The following PSME4 variants were observed in gnomAD, a reference collection of about 807,000 sequenced individuals.
PSME4 encodes the protein proteasome activator complex subunit 4.
Under a neutral mutation model 253.9 loss-of-function variants are expected in PSME4, and 89 were observed. That is an observed-to-expected ratio of 0.35 (90% confidence interval 0.30 to 0.42). The LOEUF is 0.42. PSME4 is among the 10% of genes least tolerant of loss of function. The probability of loss-of-function intolerance (pLI) is 1.00; values close to 1 mark genes in which losing one functional copy is unlikely to be tolerated. For synonymous variants in PSME4, 851 were observed against 759.2 expected (o/e 1.12, Z -1.99); for missense variants, 2,014 against 2,195.2 (o/e 0.92, Z 1.65).
chr2:53,943,039 A>G (rs2104470870), intron 3 of PSME4, among the ~76,000 whole-genome samples: 1 of 152,312 alleles, frequency 6.6e-6, no homozygotes, highest in East Asian at 1.9e-4. Flanking sequence ...GAGACAGTGA[A>G]CCATATAAAC....
chr2:53,878,306 G>C (rs1679226039), intron 41 of PSME4, among the ~76,000 whole-genome samples: 1 of 152,184 alleles, frequency 6.6e-6, no homozygotes, highest in African/African-American at 2.4e-5. Flanking sequence ...TCCTATGCCT[G>C]TCTTTACTTT....
At chr2:53,951,093 T>C (rs1056639527) in intron 1 of PSME4, among the ~76,000 whole-genome samples, 1 of 152,074 alleles carries the variant, frequency 6.6e-6, no homozygotes, top group Admixed American at 6.6e-5. Context: ...CTTCTTTTTT[T>C]TCCCCCCAAG....
intron 27 of PSME4, 67 bp from the exon 28 acceptor site, chr2:53,901,626 G>C: frequency 7.7e-7 from 1 of 1,298,826 alleles, no homozygotes; most frequent in Non-Finnish European, 1.1e-6. Context: ...TGTAGCCAAT[G>C]CACCTATGTA....
intron 24 of PSME4, among the ~76,000 whole-genome samples, chr2:53,907,349 T>C (rs774177473): frequency 2.0e-5 from 3 of 152,194 alleles, no homozygotes; most frequent in African/African-American, 4.8e-5. Context: ...CAAAGGCAGA[T>C]AGTTGAGGCT....
chr2:53,884,801 T>C (rs1679562171), intron 41 of PSME4, among the ~76,000 whole-genome samples: 1 of 152,218 alleles, frequency 6.6e-6, no homozygotes, highest in African/African-American at 2.4e-5. Flanking sequence ...TCTACTTTTA[T>C]ACCCCAAAAG....
intron 9 of PSME4, 53 bp from the exon 10 acceptor site, chr2:53,932,153 C>T (rs2104460356): frequency 6.6e-7 from 1 of 1,518,794 alleles, no homozygotes; most frequent in Non-Finnish European, 9.0e-7. Context: ...GCCGCATAGA[C>T]ATTCATGGTT....
chr2:53,896,136 C>G (rs1046834952), intron 32 of PSME4, among the ~76,000 whole-genome samples: 1 of 152,118 alleles, frequency 6.6e-6, no homozygotes, highest in Non-Finnish European at 1.5e-5. Context: ...CTCTCTCTCT[C>G]CACACATACT....
In PSME4 at chr2:53,928,439, C is replaced by G. The variant is rs901150550; in HGVS notation, c.1317-136G>C. 17 of 689,056 alleles carry G rather than the reference C, an allele frequency of 2.5e-5. No individual in the cohort carries two copies. The African/African-American group carries it at 2.7e-4, about 11-fold the overall frequency. 42.7% of individuals were successfully genotyped at this position (689,056 alleles called of 1,614,324 possible). A position where few individuals can be genotyped will look rare whatever the true frequency, so the allele number is the denominator to read the frequency against. On this transcript the variant is annotated intron_variant, in intron 10 of 46. Transcript: ENST00000404125. The stretch of plus-strand genomic sequence containing the variant: ...TTAGCAAAATACTCAGAGTGAAAAT[C>G]TGCAATCAAAGTTAACAATTACAGT...
chr2:53,928,354 T>G, intron 10 of PSME4, 51 bp from the exon 11 acceptor site: 1 of 1,347,266 alleles, frequency 7.4e-7, no homozygotes. Context: ...ATATGCATAA[T>G]ACCATAATAC....
At chr2:53,866,633 GA>G (rs1678577628) in intron 45 of PSME4, 113 bp downstream of exon 45, 1 of 1,164,478 alleles carries the variant, frequency 8.6e-7, no homozygotes, top group African/African-American at 1.6e-5. Context: ...AGCCTTGGCA[GA>G]GGCAGCAGCT....
At chr2:53,878,330 C>T (rs985111005) in intron 41 of PSME4, among the ~76,000 whole-genome samples, 5 of 152,284 alleles carry the variant, frequency 3.3e-5, no homozygotes, top group African/African-American at 1.2e-4. Flanking sequence ...CTCTTAATCC[C>T]ATCATCTTCA....
At chr2:53,874,307 T>C (rs1407254857) in intron 43 of PSME4, 32 bp downstream of exon 43, 15 of 1,588,304 alleles carry the variant, frequency 9.4e-6, no homozygotes, top group Non-Finnish European at 1.3e-5. Flanking sequence ...TTAAATTGAC[T>C]GAATTTCCGT....
chr2:53,963,336 A>C (rs1197482485), intron 1 of PSME4, among the ~76,000 whole-genome samples: 4 of 152,104 alleles, frequency 2.6e-5, no homozygotes, highest in African/African-American at 9.7e-5. Context: ...CTCTTCAAAA[A>C]AAAACACACA....
At chr2:53,896,070 A>C (rs1391074616) in intron 32 of PSME4, among the ~76,000 whole-genome samples, 2 of 151,946 alleles carry the variant, frequency 1.3e-5, no homozygotes, top group African/African-American at 4.9e-5. Context: ...AAAAATTCCC[A>C]CATCTTTTAC....
At chr2:53,920,068 A>C in intron 19 of PSME4, 125 bp downstream of exon 19, 1 of 816,896 alleles carries the variant, frequency 1.2e-6, no homozygotes, top group Non-Finnish European at 1.8e-6. Context: ...TGATTTTCTA[A>C]GTACATGTAT....
intron 7 of PSME4, among the ~76,000 whole-genome samples, chr2:53,935,012 A>T (rs973971737): frequency 6.6e-6 from 1 of 152,220 alleles, no homozygotes; most frequent in Non-Finnish European, 1.5e-5. Context: ...GGCTAAATAT[A>T]AAAAGACAAA....
At chr2:53,910,038 A>G (rs1339993886) in intron 21 of PSME4, 37 bp downstream of exon 21, 1 of 1,519,212 alleles carries the variant, frequency 6.6e-7, no homozygotes, top group Non-Finnish European at 9.1e-7. Flanking sequence ...TGACAAAAAT[A>G]ATCCACACAG....
At chr2:53,962,444 A>C (rs1262798429) in intron 1 of PSME4, among the ~76,000 whole-genome samples, 1 of 152,086 alleles carries the variant, frequency 6.6e-6, no homozygotes, top group Non-Finnish European at 1.5e-5. Context: ...TTCAATTAAC[A>C]ACAGGTATTT....
chr2:53,889,524 A>T (rs901525953), intron 37 of PSME4, among the ~76,000 whole-genome samples: 4 of 152,138 alleles, frequency 2.6e-5, no homozygotes, highest in Admixed American at 6.6e-5. Context: ...CTGAAACCAC[A>T]GATGTGGAAC....
Sources: gnomAD v4.1 joint callset for allele counts (sites outside exome capture counted in the v4.1 genomes callset) on GRCh38, gnomAD v4.1.1 for gene constraint, MANE v1.5 for transcripts, NCBI Gene and HGNC (gene_info 2026-07-23, HGNC 2026-07-21) for gene names.